The following IMMP2L variants were observed in gnomAD, a reference collection of about 807,000 sequenced individuals.
The protein encoded by IMMP2L is mitochondrial inner membrane protease subunit 2.
In IMMP2L, 18 loss-of-function variants were observed where a neutral mutation model predicts 19.3. That is an observed-to-expected ratio of 0.93 (90% CI 0.64 to 1.38). The LOEUF is 1.38. IMMP2L is among the 40% of genes most tolerant of loss of function. IMMP2L has a pLI of 0.00. For missense variants in IMMP2L, 233 were observed against 218.2 expected (o/e 1.07, Z -0.43); for synonymous variants, 76 against 73.0 (o/e 1.04, Z -0.21).
At chr7:110,783,650 G>T (rs912488906) in intron 5 of IMMP2L, among the ~76,000 whole-genome samples, 7 of 151,878 alleles carry the variant, frequency 4.6e-5, no homozygotes, top group Non-Finnish European at 7.4e-5. Flanking sequence ...CTATATCAGG[G>T]TTCTGTGAAA....
In IMMP2L at chr7:110,758,381, T is replaced by A. The variant is rs1435459995; in HGVS notation, c.409-94660A>T. 6.6e-6 allele frequency among the ~76,000 whole-genome samples: 1 copy of A among 151,990 alleles called. No individual in the cohort carries two copies. The highest frequency in any genetic ancestry group is 2.4e-5 in the African/African-American group (1 of 41,406). On this transcript the variant is annotated intron_variant, in intron 5 of 5. Coordinates refer to ENST00000405709, the MANE Select transcript of IMMP2L (RefSeq NM_032549.4). This position sits in a 1 kb window ranked among gnomAD's most constrained non-coding sequence, Gnocchi z 4.6. ...GGCAGAAGCAGAGAGACAGAGATTT[T>A]AAAAAATATATAGGATAACAAACAG...
At chr7:111,554,409 T>C (rs1178640359) in intron 1 of IMMP2L, among the ~76,000 whole-genome samples, 1 of 152,104 alleles carries the variant, frequency 6.6e-6, no homozygotes, top group Non-Finnish European at 1.5e-5. Context: ...CCCCTTCTGC[T>C]GCTATCGTGG....
chr7:111,331,076 G>A (rs575582751), intron 3 of IMMP2L, among the ~76,000 whole-genome samples: 1 of 151,896 alleles, frequency 6.6e-6, no homozygotes, highest in South Asian at 2.1e-4. Flanking sequence ...CCCACTTCTG[G>A]GTGTTTACCT....
intron 3 of IMMP2L, among the ~76,000 whole-genome samples, chr7:111,243,452 T>C (rs1815417575): frequency 6.6e-6 from 1 of 151,960 alleles, no homozygotes; most frequent in Non-Finnish European, 1.5e-5. Context: ...TTTACATATA[T>C]AATTTTAAAA....
intron 5 of IMMP2L, among the ~76,000 whole-genome samples, chr7:110,674,093 A>G (rs1314188298): frequency 6.6e-6 from 1 of 152,172 alleles, no homozygotes; most frequent in Non-Finnish European, 1.5e-5. Context: ...GGTTTAATTG[A>G]CTCACAGTTC....
intron 3 of IMMP2L, among the ~76,000 whole-genome samples, chr7:111,358,608 C>T (rs956707685): frequency 4.6e-5 from 7 of 152,118 alleles, no homozygotes; most frequent in African/African-American, 1.7e-4. Context: ...TATAGTTGCA[C>T]TGAAAGGCTC....
At chr7:110,943,621 GA>G (rs776128322) in intron 4 of IMMP2L, among the ~76,000 whole-genome samples, 1 of 151,590 alleles carries the variant, frequency 6.6e-6, no homozygotes, top group Admixed American at 6.7e-5. Context: ...TTCCCTGCAG[GA>G]AAAAAAATAT....
intron 3 of IMMP2L, among the ~76,000 whole-genome samples, chr7:111,378,661 A>G (rs1830912647): frequency 6.6e-6 from 1 of 151,972 alleles, no homozygotes; most frequent in Non-Finnish European, 1.5e-5. Flanking sequence ...AAACAGTTGA[A>G]CTGAAGAGTG....
intron 3 of IMMP2L, 93 bp from the exon 4 acceptor site, chr7:110,963,658 A>G (rs1819212097): frequency 1.5e-6 from 1 of 668,754 alleles, no homozygotes; most frequent in South Asian, 2.4e-5. Context: ...GCTATATTAA[A>G]GTCTTTACAG....
chr7:110,937,677 A>AT (rs1266581655), intron 4 of IMMP2L, among the ~76,000 whole-genome samples: 1 of 152,292 alleles, frequency 6.6e-6, no homozygotes, highest in East Asian at 1.9e-4. Flanking sequence ...TTGACTCATT[A>AT]TACTTCGCAA....
intron 3 of IMMP2L, among the ~76,000 whole-genome samples, chr7:111,294,807 TA>T (rs1249501682): frequency 6.6e-6 from 1 of 151,792 alleles, no homozygotes; most frequent in Non-Finnish European, 1.5e-5. Flanking sequence ...TAGCAAAAAC[TA>T]AAAAAAGAAA....
intron 5 of IMMP2L, among the ~76,000 whole-genome samples, chr7:110,812,410 G>A (rs1584903969): frequency 6.6e-6 from 1 of 151,982 alleles, no homozygotes; most frequent in South Asian, 2.1e-4. Context: ...AGTGATAAAG[G>A]GGGAGAAAGT....
intron 3 of IMMP2L, among the ~76,000 whole-genome samples, chr7:111,232,626 CAAATACTAAG>C (rs1813840850): frequency 6.6e-6 from 1 of 152,022 alleles, no homozygotes; most frequent in South Asian, 2.1e-4. Flanking sequence ...TAACCAATAA[CAAATACTAAG>C]AACTCTTCAC....
At chr7:110,928,768 A>G (rs1425861581) in intron 4 of IMMP2L, among the ~76,000 whole-genome samples, 1 of 152,150 alleles carries the variant, frequency 6.6e-6, no homozygotes, top group Non-Finnish European at 1.5e-5. Context: ...ACTGCTCTAT[A>G]AACTTGCTGA....
At chr7:111,401,491 A>C (rs184109201) in intron 3 of IMMP2L, among the ~76,000 whole-genome samples, 1 of 152,308 alleles carries the variant, frequency 6.6e-6, no homozygotes, top group African/African-American at 2.4e-5. Flanking sequence ...GTAGGATTAA[A>C]ACTGCAGTTC....
chr7:110,895,848 G>A (rs975776193), intron 4 of IMMP2L, among the ~76,000 whole-genome samples: 7 of 152,210 alleles, frequency 4.6e-5, no homozygotes, highest in African/African-American at 1.4e-4. Context: ...GAAGGCAGTT[G>A]ATTTTTCTCT....
chr7:111,080,367 A>G (rs185819672), intron 3 of IMMP2L, among the ~76,000 whole-genome samples: 2 of 152,118 alleles, frequency 1.3e-5, no homozygotes, highest in East Asian at 1.9e-4. Flanking sequence ...AATCCTTTCA[A>G]TGCAATTTTA....
At chr7:110,815,396 A>C (rs376823269) in intron 5 of IMMP2L, among the ~76,000 whole-genome samples, 20 of 152,060 alleles carry the variant, frequency 1.3e-4, no homozygotes, top group Non-Finnish European at 2.9e-4. Flanking sequence ...TTTTGCATCA[A>C]TGTTCATCAA....
chr7:111,428,888 C>T (rs937132199), intron 3 of IMMP2L, among the ~76,000 whole-genome samples: 1 of 151,766 alleles, frequency 6.6e-6, no homozygotes, highest in Non-Finnish European at 1.5e-5. Context: ...TCCATAAGTA[C>T]TTACAAAGCA....
Sources: allele counts gnomAD v4.1 joint callset (sites outside exome capture counted in the v4.1 genomes callset), GRCh38; gene constraint gnomAD v4.1.1; non-coding constraint Gnocchi (gnomAD v3.1); transcripts MANE v1.5; gene names NCBI Gene and HGNC (gene_info 2026-07-23, HGNC 2026-07-21).